The following ATP2C2 variants were observed in gnomAD, a reference collection of about 807,000 sequenced individuals.
ATP2C2 encodes the protein calcium-transporting ATPase type 2C member 2.
A neutral mutation model predicts 110.8 loss-of-function variants in ATP2C2; 171 were observed. That is an observed-to-expected ratio of 1.54 (90% CI 1.36 to 1.75). ATP2C2 has a LOEUF of 1.75. Ranked by LOEUF, ATP2C2 falls within the 40% of genes most tolerant of loss-of-function variation. The pLI, the probability that ATP2C2 is intolerant of heterozygous loss-of-function variation, is 0.00. For synonymous variants in ATP2C2, 804 were observed against 508.4 expected, an observed-to-expected ratio of 1.58 and a Z score of -7.82; for missense variants, 1,963 against 1,235.0, an observed-to-expected ratio of 1.59 and a Z score of -8.84.
chr16:84,395,280 C>T (rs1904901863), intron 1 of ATP2C2, among the ~76,000 whole-genome samples: 1 of 151,988 alleles, frequency 6.6e-6, no homozygotes, highest in South Asian at 2.1e-4. Context: ...AACCCCCTCT[C>T]CCCTCCAGTG....
chr16:84,392,921 TG>T (rs1904746386), intron 1 of ATP2C2, among the ~76,000 whole-genome samples: 1 of 152,154 alleles, frequency 6.6e-6, no homozygotes, highest in Non-Finnish European at 1.5e-5. Flanking sequence ...AATGGAGGCT[TG>T]GTGCAACTCA....
chr16:84,460,541 C>T, intron 23 of ATP2C2, 113 bp from the exon 24 acceptor site: 2 of 1,478,924 alleles, frequency 1.4e-6, no homozygotes, highest in Middle Eastern at 1.7e-4. Flanking sequence ...CAGCAAATGC[C>T]TGGCCCTGCC....
chr16:84,405,237 T>G lies in ATP2C2; in HGVS notation c.320T>G (p.Leu107Arg), dbSNP rs533241537. 3 of 1,613,114 alleles carry G rather than the reference T, an allele frequency of 1.9e-6. No individual in the cohort carries two copies. Among genetic ancestry groups the G allele is most frequent in the African/African-American group, 2.7e-5 (2 of 75,012 alleles). Residue 107 changes from leucine (L) to arginine (R), a missense_variant, in exon 3 of 27, where the codon CTG becomes CGG. By Grantham distance (102) the Leu-to-Arg change is moderately radical. Coordinates refer to ENST00000262429, the MANE Select transcript of ATP2C2 (RefSeq NM_014861.4). ...DNSEPVWKKY[L>R]DQFKNPLILL... ...AGCGAACCTGTGTGGAAGAAATACC[T>G]GGATCAGGTAGGACCAGAGGTGTCA... is the stretch of plus-strand genomic sequence containing the variant.
intron 1 of ATP2C2, among the ~76,000 whole-genome samples, chr16:84,397,933 A>C (rs1597758169): frequency 6.6e-6 from 1 of 151,856 alleles, no homozygotes; most frequent in South Asian, 2.1e-4. Flanking sequence ...AACCCTGGCC[A>C]ACCTAATCTA....
intron 1 of ATP2C2, among the ~76,000 whole-genome samples, chr16:84,372,468 C>A (rs1254234029): frequency 6.6e-6 from 1 of 152,108 alleles, no homozygotes; most frequent in Non-Finnish European, 1.5e-5. Flanking sequence ...GTGTCTCGCC[C>A]TGTCACCCAG....
At chr16:84,439,331 G>C (rs753730436) in intron 12 of ATP2C2, 41 bp downstream of exon 12, 2 of 1,613,588 alleles carry the variant, frequency 1.2e-6, no homozygotes, top group Admixed American at 1.7e-5. Flanking sequence ...ACGTGGAATT[G>C]AATGGGGGCT....
chr16:84,452,300 G>A (rs552255988), intron 18 of ATP2C2, among the ~76,000 whole-genome samples: 1 of 152,174 alleles, frequency 6.6e-6, no homozygotes, highest in East Asian at 1.9e-4. Flanking sequence ...TTCTGCAAAA[G>A]GGAAGTTCTC....
At chr16:84,427,167 T>G (rs571871120) in intron 11 of ATP2C2, among the ~76,000 whole-genome samples, 1 of 152,298 alleles carries the variant, frequency 6.6e-6, no homozygotes, top group South Asian at 2.1e-4. Context: ...TTAGGTGATG[T>G]GTGGAAAATC....
chr16:84,423,147 T>C (rs1255501973), intron 9 of ATP2C2, 41 bp from the exon 10 acceptor site: 1 of 1,560,212 alleles, frequency 6.4e-7, no homozygotes, highest in Admixed American at 1.7e-5. Flanking sequence ...AGGCAGAAGC[T>C]AGGATCTTGT....
In ATP2C2 at chr16:84,460,792, C is replaced by A; in HGVS notation, c.2472C>A (p.Phe824Leu). The A allele has an allele frequency of 6.2e-7, 1 of 1,612,616 alleles. No homozygotes were observed. The highest frequency in any genetic ancestry group is 8.5e-7 in the Non-Finnish European group (1 of 1,178,834). The change falls in exon 24 of 27, where the codon TTC becomes TTA. Residue 824 changes from phenylalanine (F) to leucine (L), a missense_variant. By Grantham distance (22) the Phe-to-Leu change is conservative. Transcript: ENST00000262429. ...AIIISGTLFI[F>L]WKEMPEDRAS... ...TCATCAGCGGGACCCTCTTTATCTT[C>A]TGGAAGGAGGTGAGCGAGGGTCACC...
At chr16:84,459,415 GTC>G in intron 23 of ATP2C2, 29 bp downstream of exon 23, 1 of 1,609,982 alleles carries the variant, frequency 6.2e-7, no homozygotes, top group Non-Finnish European at 8.5e-7. Context: ...GGAGCCCTGT[GTC>G]TCTTTACCCA....
chr16:84,398,587 A>C lies in ATP2C2; in HGVS notation c.188A>C (p.Glu63Ala). The change falls in exon 2 of 27, where the codon GAG becomes GCG. Residue 63 changes from glutamate to alanine, a missense_variant. Glu to Ala is a moderately radical substitution (Grantham distance 107, BLOSUM62 -1). Coordinates refer to ENST00000262429, the MANE Select transcript of ATP2C2 (RefSeq NM_014861.4). ...PPKEACKCQK[E>A]DLARAFCVDL... ...AAGGAAGCGTGCAAATGCCAGAAAG[A>C]GGATTTGGCCAGAGCGTTTTGTGTA... is the stretch of plus-strand genomic sequence containing the variant. The C allele has an allele frequency of 6.2e-7, 1 of 1,612,806 alleles. No homozygotes were observed. Among genetic ancestry groups the C allele is most frequent in the Non-Finnish European group, 8.5e-7 (1 of 1,179,452 alleles).
chr16:84,443,582 G>A (rs1909466703), intron 15 of ATP2C2, among the ~76,000 whole-genome samples: 1 of 152,122 alleles, frequency 6.6e-6, no homozygotes, highest in African/African-American at 2.4e-5. Context: ...GTTCTCACTG[G>A]CGAGTGCCGA....
chr16:84,421,808 G>C (rs1218795018), intron 7 of ATP2C2, among the ~76,000 whole-genome samples: 1 of 152,214 alleles, frequency 6.6e-6, no homozygotes, highest in Non-Finnish European at 1.5e-5. Flanking sequence ...GAAGATAGTA[G>C]AGTCTTCCAT....
intron 21 of ATP2C2, 42 bp from the exon 22 acceptor site, chr16:84,459,078 C>T (rs776921990): frequency 1.1e-5 from 17 of 1,609,794 alleles, no homozygotes; most frequent in Admixed American, 3.3e-5. Context: ...CCAGCCCTCA[C>T]GCAGGCCCGC....
intron 2 of ATP2C2, among the ~76,000 whole-genome samples, chr16:84,404,133 C>T (rs73243729): frequency 0.032 from 4,824 of 152,284 alleles, 166 homozygotes; most frequent in African/African-American, 0.095. Context: ...CAGGAATATC[C>T]CCACGTTCAG....
intron 6 of ATP2C2, among the ~76,000 whole-genome samples, chr16:84,412,351 C>CGTGCGTGTGT (rs1555557484): frequency 3.2e-5 from 2 of 63,298 alleles, no homozygotes; most frequent in African/African-American, 5.7e-5. Context: ...CGTGTGTCTG[C>CGTGCGTGTGT]GTGCGTGTGT....
intron 1 of ATP2C2, among the ~76,000 whole-genome samples, chr16:84,377,985 G>C (rs572552281): frequency 2.6e-5 from 4 of 152,246 alleles, no homozygotes; most frequent in African/African-American, 7.2e-5. Flanking sequence ...CTATTGGAGA[G>C]AAGAGAGCTC....
chr16:84,439,607 T>C lies in ATP2C2; in HGVS notation c.1209+83T>C, dbSNP rs1909063423. The C allele has an allele frequency of 2.4e-6, 3 of 1,256,828 alleles. No individual in the cohort carries two copies. The Admixed American group carries it at 5.1e-5, about 22-fold the overall frequency. 77.9% of individuals were successfully genotyped at this position (1,256,828 alleles called of 1,614,324 possible). On this transcript the variant is annotated intron_variant, in intron 13 of 26. Coordinates refer to ENST00000262429, the MANE Select transcript of ATP2C2 (RefSeq NM_014861.4). ...TCTAAACTAAGCACACAATGTCTTC[T>C]AGAACACAATAAGGAAGAAATAAAT...
Sources: allele counts gnomAD v4.1 joint callset (sites outside exome capture counted in the v4.1 genomes callset), GRCh38; gene constraint gnomAD v4.1.1; transcripts MANE v1.5; gene names NCBI Gene and HGNC (gene_info 2026-07-23, HGNC 2026-07-21).